The following MDGA1 variants were observed in gnomAD, a reference collection of about 807,000 sequenced individuals.
MDGA1 encodes the protein MAM domain-containing glycosylphosphatidylinositol anchor protein 1.
MDGA1 carries 54 observed loss-of-function variants against 101.5 expected under a neutral mutation model. That is an observed-to-expected ratio of 0.53 (90% confidence interval 0.43 to 0.67). The LOEUF is 0.67. Among genes scored for constraint, MDGA1 ranks in the 30% least tolerant of loss-of-function variants. MDGA1 has a pLI of 0.00. For missense variants in MDGA1, 1,083 were observed against 1,323.8 expected (o/e 0.82, Z 2.82); for synonymous variants, 533 against 558.3 (o/e 0.95, Z 0.64).
intron 2 of MDGA1, among the ~76,000 whole-genome samples, chr6:37,662,634 CA>C (rs59902841): frequency 0.22 from 9,506 of 43,988 alleles, 717 homozygotes; most frequent in African/African-American, 0.3. Context: ...GACCCCATCT[CA>C]AAAAAAAAAA....
chr6:37,674,758 T>C (rs1761942812), intron 1 of MDGA1, among the ~76,000 whole-genome samples: 1 of 152,086 alleles, frequency 6.6e-6, no homozygotes, highest in South Asian at 2.1e-4. Flanking sequence ...ATGCCAGGAT[T>C]AAAACTGCTA....
In MDGA1 at chr6:37,697,004, C is replaced by T. The variant is rs895516792; in HGVS notation, c.-193G>A. 1.1e-5 allele frequency: 6 copies of T among 558,574 alleles called. No homozygotes were observed. In the African/African-American group the frequency reaches 1.2e-4, roughly 11 times the overall value. The allele number at this position is 558,574 out of a possible 1,614,324, so 34.6% of individuals were successfully genotyped here. The stretch of plus-strand genomic sequence containing the variant: ...CCGTGTTTCTCCTCCGGCGGGGCCG[C>T]TGCCCGCGTGGGGACGCAGGGGGCG... On this transcript the variant is annotated 5_prime_UTR_variant, in exon 1 of 17. Coordinates refer to ENST00000434837, the MANE Select transcript of MDGA1 (RefSeq NM_153487.4).
intron 1 of MDGA1, among the ~76,000 whole-genome samples, chr6:37,683,277 G>A (rs951729046): frequency 2.6e-5 from 4 of 152,190 alleles, no homozygotes; most frequent in Non-Finnish European, 5.9e-5. Context: ...GGAAGTAAAT[G>A]AGCAGTGAGC....
intron 1 of MDGA1, among the ~76,000 whole-genome samples, chr6:37,684,908 A>G (rs185982320): frequency 6.6e-6 from 1 of 152,224 alleles, no homozygotes; most frequent in East Asian, 1.9e-4. Context: ...AATCAAACCC[A>G]AGTAGATGAG....
At chr6:37,665,429 A>AACAGGACCTAAGGCCATGCG (rs1761726990) in intron 1 of MDGA1, among the ~76,000 whole-genome samples, 1 of 152,194 alleles carries the variant, frequency 6.6e-6, no homozygotes, top group Non-Finnish European at 1.5e-5. Context: ...TCAAATTACA[A>AACAGGACCTAAGGCCATGCG]ACAGGACCTA....
chr6:37,670,909 G>C (rs1561856399), intron 1 of MDGA1, among the ~76,000 whole-genome samples: 1 of 152,162 alleles, frequency 6.6e-6, no homozygotes, highest in Non-Finnish European at 1.5e-5. Context: ...TCAAACCCAG[G>C]CCTTCCACCT....
At chr6:37,647,130 C>T in intron 10 of MDGA1, 43 bp downstream of exon 10, 1 of 1,545,978 alleles carries the variant, frequency 6.5e-7, no homozygotes, top group Non-Finnish European at 8.8e-7. Flanking sequence ...TCAGCCACAC[C>T]ACACTCCACC....
chr6:37,655,862 C>T lies in MDGA1; in HGVS notation c.417G>A (p.Thr139=), dbSNP rs745610022. 9.9e-6 allele frequency: 16 copies of T among 1,613,214 alleles called. No individual in the cohort carries two copies. In the Admixed American group the frequency reaches 1.2e-4, roughly 12 times the overall value. ...AGAAGTTGCCTCGCACATCGCTCAC[C>T]GTCTGGTGCACCGTCAGCATTGGCT... ...LDEPMLTVHQ[T]VSDVRGNFYQ... is the part of the protein sequence containing the mutation. The change falls in exon 4 of 17, where the codon ACG becomes ACA. Residue 139 remains threonine (T), a synonymous_variant. Transcript: ENST00000434837. This position sits in a 1 kb window ranked among gnomAD's most constrained non-coding sequence, Gnocchi z 5.1.
At position 37,636,808 on chromosome 6, in the gene MDGA1, T is replaced by A. The variant is rs1763938829; in HGVS notation, c.*560A>T. ...CCCTACCTTCCTTGTCTCCTGGACG[T>A]GGGACAGTCACAGAGCTCGCAAAGT... On this transcript the variant is annotated 3_prime_UTR_variant, in exon 17 of 17. Coordinates refer to ENST00000434837, the MANE Select transcript of MDGA1 (RefSeq NM_153487.4). The A allele has an allele frequency of 6.5e-6, 1 of 152,892 alleles. No individual in the cohort carries two copies. Among genetic ancestry groups the A allele is most frequent in the Admixed American group, 6.5e-5 (1 of 15,298 alleles). 9.5% of individuals were successfully genotyped at this position (152,892 alleles called of 1,614,324 possible).
chr6:37,647,401 A>G, intron 9 of MDGA1, 77 bp from the exon 10 acceptor site: 1 of 890,770 alleles, frequency 1.1e-6, no homozygotes. Flanking sequence ...TGGGAAAGGG[A>G]AACAAGAGGA....
chr6:37,643,567 C>T (rs911184100), intron 14 of MDGA1, among the ~76,000 whole-genome samples: 28 of 152,332 alleles, frequency 1.8e-4, no homozygotes, highest in East Asian at 5.8e-4. Context: ...CCACCATGTC[C>T]GTCCCCTGCT....
chr6:37,685,059 T>C lies in MDGA1; in HGVS notation c.67+11686A>G, dbSNP rs1425527359. Among the ~76,000 whole-genome samples, 3 of 152,302 alleles carry C rather than the reference T, an allele frequency of 2.0e-5. No individual in the cohort carries two copies. In the East Asian group the frequency reaches 5.8e-4, roughly 29 times the overall value. ...GCTCATACTTGTAATCTGAGCACTT[T>C]GGGAGGCCGAGGCGGGCAGATTGCT... On this transcript the variant is annotated intron_variant, in intron 1 of 16. Coordinates refer to ENST00000434837, the MANE Select transcript of MDGA1 (RefSeq NM_153487.4).
At chr6:37,649,413 C>T (rs1761304055) in intron 8 of MDGA1, 147 bp from the exon 9 acceptor site, 2 of 1,333,076 alleles carry the variant, frequency 1.5e-6, no homozygotes, top group African/African-American at 1.5e-5. Context: ...GCAACACATC[C>T]CTCCAATGGC....
rs1272656583 is a variant in MDGA1, at chr6:37,647,050, C to T, written c.2046+123G>A. The T allele has an allele frequency of 1.3e-5, 11 of 867,024 alleles. No individual in the cohort carries two copies. In the East Asian group the frequency reaches 2.7e-4, roughly 21 times the overall value. 53.7% of individuals were successfully genotyped at this position (867,024 alleles called of 1,614,324 possible). On this transcript the variant is annotated intron_variant, in intron 10 of 16. Coordinates refer to ENST00000434837, the MANE Select transcript of MDGA1 (RefSeq NM_153487.4). ...TTTCTCCCTGCCCCTGAAGAATTGC[C>T]TCTAAAAGGGTCAACGTGTCTAAGC...
chr6:37,696,706 C>A lies in MDGA1; in HGVS notation c.67+39G>T, dbSNP rs45627433. On this transcript the variant is annotated intron_variant, in intron 1 of 16. Coordinates refer to ENST00000434837, the MANE Select transcript of MDGA1 (RefSeq NM_153487.4). This position sits in a 1 kb window ranked among gnomAD's most constrained non-coding sequence, Gnocchi z 5.6. ...TTGCGCCTCTTGCAAAGTTTCCGCGCGAGGTTAAGCCAAGGTGGAGCGGGA... is the reference window on the plus strand; with the variant it reads ...TTGCGCCTCTTGCAAAGTTTCCGCGAGAGGTTAAGCCAAGGTGGAGCGGGA... 3 of 1,548,758 alleles carry A rather than the reference C, an allele frequency of 1.9e-6. No individual in the cohort carries two copies. The highest frequency in any genetic ancestry group is 1.2e-5 in the South Asian group (1 of 84,248).
chr6:37,679,271 A>T (rs1219448535), intron 1 of MDGA1, among the ~76,000 whole-genome samples: 1 of 152,150 alleles, frequency 6.6e-6, no homozygotes, highest in Non-Finnish European at 1.5e-5. Context: ...GGAGAAGGAC[A>T]ACTGGACCAG....
chr6:37,641,048 G>A (rs185185551), intron 14 of MDGA1, among the ~76,000 whole-genome samples: 9 of 152,260 alleles, frequency 5.9e-5, no homozygotes, highest in East Asian at 3.9e-4. Flanking sequence ...TTTGCCATGG[G>A]GGACAGGGTG....
At chr6:37,664,595 C>T (rs917475770) in intron 1 of MDGA1, among the ~76,000 whole-genome samples, 2 of 71,138 alleles carry the variant, frequency 2.8e-5, no homozygotes, top group Non-Finnish European at 6.0e-5. Flanking sequence ...CCCTCTCCCC[C>T]ACAATACACA....
At position 37,638,373 on chromosome 6, in the gene MDGA1, T is replaced by G; in HGVS notation, c.2668-60A>C. 6.6e-7 allele frequency: 1 copy of G among 1,512,168 alleles called. No individual in the cohort carries two copies. Among genetic ancestry groups the G allele is most frequent in the Non-Finnish European group, 9.0e-7 (1 of 1,108,964 alleles). 93.7% of individuals were successfully genotyped at this position (1,512,168 alleles called of 1,614,324 possible). On this transcript the variant is annotated intron_variant, in intron 15 of 16. Transcript: ENST00000434837. The surrounding 1 kb of genome is among the most constrained non-coding windows in gnomAD (Gnocchi z 4.8). ...GAGGAGGTTCTGCTGGGTACCAGAGTGCTCCCTCGACCCCACCTTTCCCCT... is the reference window on the plus strand; with the variant it reads ...GAGGAGGTTCTGCTGGGTACCAGAGGGCTCCCTCGACCCCACCTTTCCCCT...
Sources: allele counts gnomAD v4.1 joint callset (sites outside exome capture counted in the v4.1 genomes callset), GRCh38; gene constraint gnomAD v4.1.1; non-coding constraint Gnocchi (gnomAD v3.1); transcripts MANE v1.5; gene names NCBI Gene and HGNC (gene_info 2026-07-23, HGNC 2026-07-21).